The following FSTL5 variants were observed in gnomAD, a reference collection of about 807,000 sequenced individuals.
The protein encoded by FSTL5 is follistatin-related protein 5.
Under a neutral mutation model 89.1 loss-of-function variants are expected in FSTL5, and 62 were observed. The ratio of observed to expected loss-of-function variants is 0.70; its 90% CI spans 0.57 to 0.86. FSTL5 has a LOEUF of 0.86. FSTL5 is among the 40% of genes least tolerant of loss of function. The probability of loss-of-function intolerance (pLI) is 0.00; values close to 1 mark genes in which losing one functional copy is unlikely to be tolerated. For synonymous variants in FSTL5, 383 were observed against 346.2 expected, an observed-to-expected ratio of 1.11 and a Z score of -1.18; for missense variants, 1,057 against 1,001.6, an observed-to-expected ratio of 1.06 and a Z score of -0.75.
chr4:161,955,657 G>A (rs1735007505), intron 3 of FSTL5, among the ~76,000 whole-genome samples: 1 of 151,620 alleles, frequency 6.6e-6, no homozygotes, highest in Admixed American at 6.6e-5. Context: ...ATAGTAGTAT[G>A]ATACATGACT....
chr4:161,778,656 T>G (rs1741509895), intron 4 of FSTL5, among the ~76,000 whole-genome samples: 1 of 152,250 alleles, frequency 6.6e-6, no homozygotes, highest in Non-Finnish European at 1.5e-5. Flanking sequence ...AACTTTGTGC[T>G]GCAGATTAAG....
chr4:162,088,441 T>C (rs1730408568), intron 2 of FSTL5, among the ~76,000 whole-genome samples: 1 of 152,098 alleles, frequency 6.6e-6, no homozygotes, highest in African/African-American at 2.4e-5. Flanking sequence ...GCCATTGACT[T>C]AGGATCAGAA....
At chr4:161,826,453 T>C (rs555569118) in intron 4 of FSTL5, among the ~76,000 whole-genome samples, 1 of 152,332 alleles carries the variant, frequency 6.6e-6, no homozygotes, top group African/African-American at 2.4e-5. Flanking sequence ...ACTTTCTGTC[T>C]TGATGACCTG....
chr4:161,836,838 T>C (rs965710635), intron 4 of FSTL5, among the ~76,000 whole-genome samples: 3 of 152,042 alleles, frequency 2.0e-5, no homozygotes, highest in South Asian at 2.1e-4. Flanking sequence ...AGAAAATAAT[T>C]TTTTTCAAAA....
intron 4 of FSTL5, among the ~76,000 whole-genome samples, chr4:161,831,006 A>T (rs1303037566): frequency 1.3e-5 from 2 of 151,900 alleles, no homozygotes; most frequent in Non-Finnish European, 2.9e-5. Flanking sequence ...CACAACTCAA[A>T]TGTTCTCCTA....
intron 4 of FSTL5, among the ~76,000 whole-genome samples, chr4:161,834,131 T>G (rs1730947860): frequency 6.6e-6 from 1 of 152,170 alleles, no homozygotes; most frequent in Non-Finnish European, 1.5e-5. Context: ...ATCCCTGGGA[T>G]GCAAGGCTGG....
intron 1 of FSTL5, among the ~76,000 whole-genome samples, chr4:162,119,498 A>AT (rs1731774934): frequency 6.6e-6 from 1 of 152,194 alleles, no homozygotes; most frequent in South Asian, 2.1e-4. Context: ...AAACATGGTA[A>AT]TTTTTTCAGT....
At chr4:161,987,286 G>T (rs968999411) in intron 3 of FSTL5, among the ~76,000 whole-genome samples, 1 of 151,468 alleles carries the variant, frequency 6.6e-6, no homozygotes, top group Non-Finnish European at 1.5e-5. Context: ...TTATTTGTTT[G>T]TTTTCAGCAC....
rs144026645 is a variant in FSTL5 at position 161,780,446 on chromosome 4, T to A, written c.410-4372A>T. Among the ~76,000 whole-genome samples the A allele has an allele frequency of 5.9e-4, 90 of 152,320 alleles. No individual in the cohort carries two copies. The East Asian group carries it at 0.015, about 25-fold the overall frequency. ...GAAACAATTTCCTGGATTCACTTCATGCTCTGGGAGACCAGTGCGAAATCT... is the reference window on the plus strand; with the variant it reads ...GAAACAATTTCCTGGATTCACTTCAAGCTCTGGGAGACCAGTGCGAAATCT... On this transcript the variant is annotated intron_variant, in intron 4 of 15. Transcript: ENST00000306100.
At chr4:161,698,582 C>A (rs530770428) in intron 6 of FSTL5, among the ~76,000 whole-genome samples, 1 of 152,186 alleles carries the variant, frequency 6.6e-6, no homozygotes, top group South Asian at 2.1e-4. Context: ...TTGAAATTCA[C>A]AGCATTAATG....
At chr4:161,446,275 T>G (rs1298575539) in intron 15 of FSTL5, among the ~76,000 whole-genome samples, 1 of 152,106 alleles carries the variant, frequency 6.6e-6, no homozygotes, top group African/African-American at 2.4e-5. Context: ...GTGATGTGTA[T>G]ATAAAATAAG....
intron 4 of FSTL5, among the ~76,000 whole-genome samples, chr4:161,910,329 T>C (rs866069800): frequency 2.0e-5 from 3 of 152,090 alleles, no homozygotes; most frequent in African/African-American, 7.2e-5. Flanking sequence ...AACTATACAG[T>C]CCCTTGGCAT....
intron 4 of FSTL5, among the ~76,000 whole-genome samples, chr4:161,851,891 C>T (rs941246263): frequency 1.9e-5 from 1 of 52,738 alleles, no homozygotes; most frequent in African/African-American, 6.8e-5. Context: ...GATCTCATCC[C>T]TACACACACA....
chr4:162,059,202 AG>A (rs1313171516), intron 2 of FSTL5, among the ~76,000 whole-genome samples: 68 of 152,306 alleles, frequency 4.5e-4, no homozygotes, highest in African/African-American at 1.6e-3. Flanking sequence ...TATCCCAACA[AG>A]TGTTAAGTGG....
chr4:161,571,139 G>A (rs142581044), intron 8 of FSTL5, among the ~76,000 whole-genome samples: 1 of 151,854 alleles, frequency 6.6e-6, no homozygotes, highest in Non-Finnish European at 1.5e-5. Context: ...GGGAAGACAC[G>A]GCCAAGATGA....
At chr4:161,561,900 T>C (rs1282280023) in intron 8 of FSTL5, among the ~76,000 whole-genome samples, 2 of 151,998 alleles carry the variant, frequency 1.3e-5, no homozygotes, top group East Asian at 1.9e-4. Context: ...ACACACATTG[T>C]TGCAAAGCTA....
chr4:161,631,260 T>G (rs1439588817), intron 7 of FSTL5, among the ~76,000 whole-genome samples: 1 of 152,194 alleles, frequency 6.6e-6, no homozygotes, highest in Non-Finnish European at 1.5e-5. Flanking sequence ...CTTCTTGTCT[T>G]TCAAGAATAA....
intron 7 of FSTL5, among the ~76,000 whole-genome samples, chr4:161,611,155 T>G (rs1734623198): frequency 6.8e-6 from 1 of 147,648 alleles, no homozygotes; most frequent in South Asian, 2.1e-4. Context: ...TATATATGTG[T>G]GTGTATATAT....
At chr4:161,566,124 A>G (rs1732802677) in intron 8 of FSTL5, among the ~76,000 whole-genome samples, 2 of 98,246 alleles carry the variant, frequency 2.0e-5, no homozygotes, top group East Asian at 5.7e-4. Flanking sequence ...ATATATATAT[A>G]TATATATATA....
Sources: gnomAD v4.1 joint callset for allele counts (sites outside exome capture counted in the v4.1 genomes callset) on GRCh38, gnomAD v4.1.1 for gene constraint, MANE v1.5 for transcripts, NCBI Gene and HGNC (gene_info 2026-07-23, HGNC 2026-07-21) for gene names.